Variants in HSPA9 observed in about 807,000 individuals in gnomAD.
HSPA9 encodes the protein stress-70 protein, mitochondrial.
Under a neutral mutation model 81.5 loss-of-function variants are expected in HSPA9, and 28 were observed. The ratio of observed to expected loss-of-function variants is 0.34; its 90% CI spans 0.25 to 0.47. The LOEUF (loss-of-function observed/expected upper bound fraction) is 0.47, where lower values mean the gene tolerates loss of function less well. Ranked by LOEUF, HSPA9 falls within the 20% of genes least tolerant of loss-of-function variation. The pLI is 1.00. For synonymous variants in HSPA9, 293 were observed against 290.4 expected, an observed-to-expected ratio of 1.01 and a Z score of -0.09; for missense variants, 678 against 838.0, an observed-to-expected ratio of 0.81 and a Z score of 2.36.
Position 138,557,425 on chromosome 5 carries a change from C to A in HSPA9, c.1705G>T (p.Ala569Ser), listed in dbSNP as rs1261884803. Residue 569 changes from alanine to serine, a missense_variant, in exon 14 of 17, where the codon GCT (alanine) becomes TCT (serine). By Grantham distance (99) the Ala-to-Ser change is moderately conservative. Coordinates refer to ENST00000297185, the MANE Select transcript of HSPA9 (RefSeq NM_004134.7). ...ENMVKNAEKYAEEDRRKKERV... is the reference protein window; with the variant it reads ...ENMVKNAEKYSEEDRRKKERV... ...ACCTTCTTTCGCCGGTCTTCTTCAG[C>A]ATATTTCTCTGCATTTTTAACCATA... is the stretch of plus-strand genomic sequence containing the variant. The A allele has an allele frequency of 6.8e-6, 11 of 1,609,414 alleles. No homozygotes were observed. The highest frequency in any genetic ancestry group is 7.7e-6 in the Non-Finnish European group (9 of 1,176,358).
Position 138,554,619 on chromosome 5 carries a change from A to G in HSPA9, c.*1418T>C, listed in dbSNP as rs1267780285. Among the ~76,000 whole-genome samples, 2 of 152,204 alleles carry G rather than the reference A, an allele frequency of 1.3e-5. No homozygotes were observed. Among genetic ancestry groups the G allele is most frequent in the Admixed American group, 6.5e-5 (1 of 15,280 alleles). On this transcript the variant is annotated 3_prime_UTR_variant, in exon 17 of 17. Transcript: ENST00000297185. ...TGATTTTTGGAAATACAGTAATCTC[A>G]TTTCTACATATTACAAAACATTATA...
chr5:138,564,582 G>T (rs1465683948), intron 9 of HSPA9, among the ~76,000 whole-genome samples: 2 of 152,148 alleles, frequency 1.3e-5, no homozygotes, highest in Admixed American at 1.3e-4. Flanking sequence ...AGCTAGTTTT[G>T]TAGAGACGGG....
intron 5 of HSPA9, 90 bp downstream of exon 5, chr5:138,568,835 C>A (rs551974020): frequency 1.5e-6 from 2 of 1,358,926 alleles, no homozygotes; most frequent in East Asian, 2.3e-5. Context: ...ACCACAGATT[C>A]ATCTACAGGA....
chr5:138,561,965 A>G (rs991190836), intron 9 of HSPA9, among the ~76,000 whole-genome samples, 176 bp from the exon 10 acceptor site: 3 of 151,490 alleles, frequency 2.0e-5, no homozygotes, highest in Non-Finnish European at 1.5e-5. Flanking sequence ...TTTGAGACAG[A>G]GTCTCATTCT....
At chr5:138,569,528 G>A (rs1750833356) in intron 4 of HSPA9, among the ~76,000 whole-genome samples, 1 of 152,154 alleles carries the variant, frequency 6.6e-6, no homozygotes, top group South Asian at 2.1e-4. Flanking sequence ...TGTGCTGTAT[G>A]TCCATACAGT....
intron 9 of HSPA9, among the ~76,000 whole-genome samples, chr5:138,566,188 CAAAAAAAAAAAAA>C (rs1186233815): frequency 3.4e-5 from 2 of 59,642 alleles, no homozygotes; most frequent in Non-Finnish European, 6.1e-5. Context: ...AACTCTGTCT[CAAAAAAAAAAAAA>C]AAAAAAAAAA....
intron 5 of HSPA9, among the ~76,000 whole-genome samples, chr5:138,568,246 C>A (rs532077489): frequency 2.0e-5 from 3 of 152,176 alleles, no homozygotes; most frequent in Non-Finnish European, 4.4e-5. Context: ...CCTGTAATCC[C>A]AGCACTCTGA....
chr5:138,567,955 C>T (rs1292455743), intron 5 of HSPA9, among the ~76,000 whole-genome samples: 8 of 151,948 alleles, frequency 5.3e-5, no homozygotes, highest in East Asian at 1.9e-4. Context: ...GAGGCTGAGG[C>T]GGGCAGATCA....
Position 138,575,333 on chromosome 5 carries a change from G to A in HSPA9, c.-15C>T. ...GCACTTATCATGGCGGATAAATGGAGGAGTACGAGGCAGCAAACAAGCGCT... is the reference window on the plus strand; with the variant it reads ...GCACTTATCATGGCGGATAAATGGAAGAGTACGAGGCAGCAAACAAGCGCT... On this transcript the variant is annotated 5_prime_UTR_variant, in exon 1 of 17. Coordinates refer to ENST00000297185, the MANE Select transcript of HSPA9 (RefSeq NM_004134.7). The A allele has an allele frequency of 6.2e-7, 1 of 1,606,216 alleles. No individual in the cohort carries two copies. The highest frequency in any genetic ancestry group is 8.5e-7 in the Non-Finnish European group (1 of 1,174,606).
chr5:138,566,595 A>G, intron 9 of HSPA9, 31 bp downstream of exon 9: 1 of 1,439,820 alleles, frequency 6.9e-7, no homozygotes, highest in Non-Finnish European at 9.8e-7. Context: ...GAAAATATCC[A>G]TCAAGACTGC....
In HSPA9 at chr5:138,575,394, G is replaced by A. The variant is rs993686495; in HGVS notation, c.-76C>T. Reference sequence around the variant, plus strand: ...AGAGCTGCGCGATGCGGTGGCGGCAGCGCTTCTGGAAACCTCCAACCACGT... The same window carrying A: ...AGAGCTGCGCGATGCGGTGGCGGCAACGCTTCTGGAAACCTCCAACCACGT... On this transcript the variant is annotated 5_prime_UTR_variant, in exon 1 of 17. Coordinates refer to ENST00000297185, the MANE Select transcript of HSPA9 (RefSeq NM_004134.7). 5 of 1,310,630 alleles carry A rather than the reference G, an allele frequency of 3.8e-6. No homozygotes were observed. In the African/African-American group the frequency reaches 4.3e-5, roughly 11 times the overall value. 81.2% of individuals were successfully genotyped at this position (1,310,630 alleles called of 1,614,324 possible). A position where few individuals can be genotyped will look rare whatever the true frequency, so the allele number is the denominator to read the frequency against.
intron 8 of HSPA9, 71 bp downstream of exon 8, chr5:138,566,930 G>C (rs1349352676): frequency 6.7e-7 from 1 of 1,496,046 alleles, no homozygotes; most frequent in East Asian, 2.3e-5. Flanking sequence ...CGTAAACAAA[G>C]CAAAGAGCAA....
intron 10 of HSPA9, 23 bp downstream of exon 10, chr5:138,561,557 G>A (rs373730164): frequency 3.1e-5 from 49 of 1,596,772 alleles, no homozygotes; most frequent in Admixed American, 5.0e-5. Flanking sequence ...CTCTCTCCAC[G>A]ACAGAATTCC....
In HSPA9 at chr5:138,554,389, A is replaced by C. The variant is rs1246524101; in HGVS notation, c.*1648T>G. ...GGGCAAGGGCCAACCAAAAATGCTA[A>C]AAGTTATTTTCCAACACACCATATA... On this transcript the variant is annotated 3_prime_UTR_variant, in exon 17 of 17. Coordinates refer to ENST00000297185, the MANE Select transcript of HSPA9 (RefSeq NM_004134.7). Among the ~76,000 whole-genome samples the C allele has an allele frequency of 1.3e-5, 2 of 152,192 alleles. No homozygotes were observed. Among genetic ancestry groups the C allele is most frequent in the African/African-American group, 4.8e-5 (2 of 41,444 alleles).
chr5:138,559,196 C>T (rs1252719979), intron 11 of HSPA9, among the ~76,000 whole-genome samples: 3 of 151,884 alleles, frequency 2.0e-5, no homozygotes, highest in Non-Finnish European at 4.4e-5. Flanking sequence ...ACCTCTGCCT[C>T]CCATGCTCAA....
intron 15 of HSPA9, 44 bp from the exon 16 acceptor site, chr5:138,556,636 G>A (rs372765581): frequency 1.9e-6 from 3 of 1,605,216 alleles, no homozygotes; most frequent in Admixed American, 1.7e-5. Flanking sequence ...CAGGTCTCCT[G>A]TACCATTACA....
intron 3 of HSPA9, 132 bp downstream of exon 3, chr5:138,573,631 A>G: frequency 1.6e-6 from 1 of 614,402 alleles, no homozygotes; most frequent in African/African-American, 2.2e-5. Context: ...TGGGCTATAG[A>G]GACTGTCTCC....
intron 10 of HSPA9, 145 bp downstream of exon 10, chr5:138,561,435 A>G (rs1289969892): frequency 7.0e-6 from 5 of 711,608 alleles, no homozygotes; most frequent in Admixed American, 2.2e-5. Flanking sequence ...CAAAACAAAC[A>G]GAAAAGAATT....
chr5:138,570,794 T>G, intron 4 of HSPA9, 166 bp downstream of exon 4: 1 of 696,260 alleles, frequency 1.4e-6, no homozygotes, highest in East Asian at 2.7e-5. Flanking sequence ...AAAAATGAAT[T>G]TTTTAAAGGG....
Sources: allele counts gnomAD v4.1 joint callset (sites outside exome capture counted in the v4.1 genomes callset), GRCh38; gene constraint gnomAD v4.1.1; transcripts MANE v1.5; gene names NCBI Gene and HGNC (gene_info 2026-07-23, HGNC 2026-07-21).